Variants in PCSK5 observed in about 807,000 individuals in gnomAD.
The protein encoded by PCSK5 is proprotein convertase subtilisin/kexin type 5.
PCSK5 carries 129 observed loss-of-function variants against 233.2 expected under a neutral mutation model. The ratio of observed to expected loss-of-function variants is 0.55; its 90% CI spans 0.48 to 0.64. The LOEUF (loss-of-function observed/expected upper bound fraction) is 0.64, where lower values mean the gene tolerates loss of function less well. PCSK5 is among the 30% of genes least tolerant of loss of function. PCSK5 has a pLI of 0.00. For synonymous variants in PCSK5, 825 were observed against 879.2 expected, an observed-to-expected ratio of 0.94 and a Z score of 1.09; for missense variants, 2,076 against 2,430.1, an observed-to-expected ratio of 0.85 and a Z score of 3.06.
intron 2 of PCSK5, among the ~76,000 whole-genome samples, chr9:75,957,804 A>G (rs1825161723): frequency 6.6e-6 from 1 of 152,244 alleles, no homozygotes; most frequent in Non-Finnish European, 1.5e-5. Flanking sequence ...AGTCAAGAAG[A>G]AAAAATGAAA....
intron 1 of PCSK5, among the ~76,000 whole-genome samples, chr9:75,929,668 G>C (rs926335776): frequency 2.6e-5 from 4 of 152,012 alleles, no homozygotes; most frequent in African/African-American, 9.7e-5. Context: ...CCATTTTCAT[G>C]CTGCCGATAA....
intron 2 of PCSK5, among the ~76,000 whole-genome samples, chr9:75,985,911 C>T (rs531477059): frequency 1.3e-5 from 2 of 152,046 alleles, no homozygotes; most frequent in African/African-American, 4.8e-5. Flanking sequence ...TATAAATACT[C>T]TATATAAAAA....
At chr9:76,124,099 G>A (rs1449273248) in intron 9 of PCSK5, among the ~76,000 whole-genome samples, 4 of 152,064 alleles carry the variant, frequency 2.6e-5, no homozygotes, top group South Asian at 2.1e-4. Flanking sequence ...GATTAGTGGC[G>A]AAGATCACCA....
chr9:76,027,957 T>A (rs1249330950), intron 5 of PCSK5, among the ~76,000 whole-genome samples: 1 of 152,196 alleles, frequency 6.6e-6, no homozygotes, highest in African/African-American at 2.4e-5. Context: ...TAGGGAAAAA[T>A]TTCTCAACTA....
At chr9:76,272,043 C>G (rs935335347) in intron 24 of PCSK5, among the ~76,000 whole-genome samples, 1 of 152,128 alleles carries the variant, frequency 6.6e-6, no homozygotes, top group East Asian at 1.9e-4. Flanking sequence ...TTGCCAAGTA[C>G]ATAGAGTATT....
intron 3 of PCSK5, among the ~76,000 whole-genome samples, chr9:76,020,514 T>A (rs1243815272): frequency 6.6e-6 from 1 of 152,244 alleles, no homozygotes; most frequent in East Asian, 1.9e-4. Context: ...CATTCCTTTT[T>A]GTCATCTGTA....
At chr9:76,142,856 AT>A (rs1175367265) in intron 10 of PCSK5, among the ~76,000 whole-genome samples, 3 of 152,072 alleles carry the variant, frequency 2.0e-5, no homozygotes, top group African/African-American at 7.2e-5. Flanking sequence ...GTTTTCTCTA[AT>A]TTGGGCTATT....
intron 24 of PCSK5, among the ~76,000 whole-genome samples, chr9:76,290,703 C>T (rs888315740): frequency 2.0e-5 from 3 of 152,240 alleles, no homozygotes. Flanking sequence ...GTGCTATAGT[C>T]AGGGGACGGC....
intron 7 of PCSK5, among the ~76,000 whole-genome samples, chr9:76,091,465 T>C (rs1363135275): frequency 1.3e-5 from 2 of 152,146 alleles, no homozygotes; most frequent in Non-Finnish European, 1.5e-5. Context: ...TTTCCAAATA[T>C]AGTCACATTG....
chr9:76,108,738 C>T (rs1162237344), intron 9 of PCSK5, among the ~76,000 whole-genome samples: 2 of 152,092 alleles, frequency 1.3e-5, no homozygotes, highest in African/African-American at 4.8e-5. Flanking sequence ...GGTGACAGAG[C>T]CAAGACTCCA....
intron 30 of PCSK5, among the ~76,000 whole-genome samples, chr9:76,313,111 C>T (rs1476253977): frequency 6.6e-6 from 1 of 152,196 alleles, no homozygotes; most frequent in Admixed American, 6.5e-5. Context: ...TATTTTCCCT[C>T]ATTTGACCAA....
intron 10 of PCSK5, among the ~76,000 whole-genome samples, chr9:76,135,801 G>A (rs138943198): frequency 1.3e-5 from 2 of 152,172 alleles, no homozygotes; most frequent in East Asian, 1.9e-4. Flanking sequence ...CACAGACTAA[G>A]GACATTAACC....
At chr9:75,994,396 CTTTCTTTTTTTTTTTTTTTTTT>C (rs773551449) in intron 3 of PCSK5, among the ~76,000 whole-genome samples, 742 of 68,180 alleles carry the variant, frequency 0.011, 10 homozygotes, top group South Asian at 0.019. Flanking sequence ...TTCTTTCTTT[CTTTCTTTTTTTTTTTTTTTTTT>C]TTTTTTTTTT....
chr9:76,279,611 G>A (rs1468494875), intron 24 of PCSK5, among the ~76,000 whole-genome samples: 1 of 151,382 alleles, frequency 6.6e-6, no homozygotes, highest in African/African-American at 2.4e-5. Context: ...CATTCTAACT[G>A]GTGTGAGATG....
chr9:76,026,053 G>C (rs114055891), intron 4 of PCSK5, among the ~76,000 whole-genome samples: 2,421 of 152,164 alleles, frequency 0.016, 59 homozygotes, highest in African/African-American at 0.055. Flanking sequence ...AGTGAGCCAA[G>C]CCGTGATCAC....
intron 24 of PCSK5, among the ~76,000 whole-genome samples, chr9:76,261,624 C>A (rs887420067): frequency 3.3e-5 from 5 of 152,190 alleles, no homozygotes; most frequent in Non-Finnish European, 7.4e-5. Flanking sequence ...AAATCAGATT[C>A]TTCCTACCCA....
intron 5 of PCSK5, among the ~76,000 whole-genome samples, chr9:76,053,965 G>C (rs1384946910): frequency 1.3e-5 from 2 of 152,174 alleles, no homozygotes; most frequent in African/African-American, 4.8e-5. Context: ...AAGAAAAAGA[G>C]GTTTGATAGA....
intron 10 of PCSK5, among the ~76,000 whole-genome samples, chr9:76,139,153 C>A (rs1343558778): frequency 6.6e-6 from 1 of 151,992 alleles, no homozygotes; most frequent in African/African-American, 2.4e-5. Context: ...TAATACCTAC[C>A]TGTCTTGCTT....
At chr9:75,908,933 CTCTCTCTGTCTATCTATCTA>C (rs1822568092) in intron 1 of PCSK5, among the ~76,000 whole-genome samples, 53 of 94,584 alleles carry the variant, frequency 5.6e-4, no homozygotes, top group Non-Finnish European at 9.6e-4. Context: ...CTCTCTATCT[CTCTCTCTGTCTATCTATCTA>C]TCTATCTATC....
Sources: allele counts gnomAD v4.1 joint callset (sites outside exome capture counted in the v4.1 genomes callset), GRCh38; gene constraint gnomAD v4.1.1; transcripts MANE v1.5; gene names NCBI Gene and HGNC (gene_info 2026-07-23, HGNC 2026-07-21).